The following ATP10B variants were observed in gnomAD, a reference collection of about 807,000 sequenced individuals.
ATP10B encodes ATPase phospholipid transporting 10B (putative).
In ATP10B, 122 loss-of-function variants were observed where a neutral mutation model predicts 141.2. That is an observed-to-expected ratio of 0.86 (90% CI 0.75 to 1.00). ATP10B has a LOEUF of 1.00. Among genes scored for constraint, ATP10B ranks in the 50% least tolerant of loss-of-function variants. The pLI, the probability that ATP10B is intolerant of heterozygous loss-of-function variation, is 0.00. For missense variants in ATP10B, 1,876 were observed against 1,825.3 expected, an observed-to-expected ratio of 1.03 and a Z score of -0.51; for synonymous variants, 685 against 692.0, an observed-to-expected ratio of 0.99 and a Z score of 0.16.
chr5:160,607,098 C>T lies in ATP10B; in HGVS notation c.2839-12G>A. The T allele has an allele frequency of 6.3e-7, 1 of 1,598,248 alleles. No individual in the cohort carries two copies. The highest frequency in any genetic ancestry group is 8.5e-7 in the Non-Finnish European group (1 of 1,169,770). ...GATTCACAGGTCTCCTATAAAGAAG[C>T]ATAATAATACAGTATTTGTAAGCAA... On this transcript the variant is annotated splice_polypyrimidine_tract_variant and intron_variant, in intron 18 of 25. Coordinates refer to ENST00000327245, the MANE Select transcript of ATP10B (RefSeq NM_025153.3).
At chr5:160,887,027 T>C in the ATP10B span, among the ~76,000 whole-genome samples, 1 of 152,224 alleles carries the variant, frequency 6.6e-6, no homozygotes, top group Non-Finnish European at 1.5e-5. Flanking sequence ...TGTCAGCTGA[T>C]AACTATAGAA....
chr5:160,895,288 C>T, the ATP10B span, among the ~76,000 whole-genome samples: 1 of 151,990 alleles, frequency 6.6e-6, no homozygotes, highest in Admixed American at 6.6e-5. Context: ...GAACCATCAG[C>T]GTGCTGTATT....
intron 3 of ATP10B, among the ~76,000 whole-genome samples, chr5:160,694,789 G>C (rs186826807): frequency 6.6e-6 from 1 of 152,118 alleles, no homozygotes; most frequent in Admixed American, 6.5e-5. Flanking sequence ...ATCCCTTTCT[G>C]CCTGAGCTTA....
intron 6 of ATP10B, among the ~76,000 whole-genome samples, chr5:160,672,570 A>G (rs1187141691): frequency 1.1e-4 from 17 of 152,142 alleles, no homozygotes; most frequent in Admixed American, 1.1e-3. Flanking sequence ...GGGATTTGAA[A>G]CCAAACTAAT....
At chr5:160,822,250 G>T (rs1774164794) in intron 1 of ATP10B, among the ~76,000 whole-genome samples, 1 of 151,992 alleles carries the variant, frequency 6.6e-6, no homozygotes, top group Non-Finnish European at 1.5e-5. Context: ...TGGCAAACAG[G>T]TATATGAAAA....
Position 160,688,061 on chromosome 5 carries a change from A to C in ATP10B, c.14T>G (p.Val5Gly). The change falls in exon 5 of 26, where the codon GTG (valine) becomes GGG (glycine). Residue 5 changes from valine (V) to glycine (G), a missense_variant. Val to Gly is a moderately radical substitution (Grantham distance 109). Coordinates refer to ENST00000327245, the MANE Select transcript of ATP10B (RefSeq NM_025153.3). MALS[V>G]DSSWHRWQWR... is the part of the protein sequence containing the mutation. Reference sequence around the variant, plus strand: ...CTGCCACCGATGCCACGATGAGTCCACTGAGAGGGCCATTTCCAGCAGCAG... The same window carrying C: ...CTGCCACCGATGCCACGATGAGTCCCCTGAGAGGGCCATTTCCAGCAGCAG... 6.2e-7 allele frequency: 1 copy of C among 1,612,768 alleles called. No individual in the cohort carries two copies. Among genetic ancestry groups the C allele is most frequent in the African/African-American group, 1.3e-5 (1 of 74,994 alleles).
At chr5:160,809,033 C>T (rs565351730) in intron 1 of ATP10B, among the ~76,000 whole-genome samples, 20 of 152,250 alleles carry the variant, frequency 1.3e-4, no homozygotes, top group African/African-American at 2.6e-4. Context: ...TGGTGTTCTA[C>T]GTGTGTTCCT....
chr5:160,916,083 C>G, the ATP10B span, among the ~76,000 whole-genome samples: 1 of 152,142 alleles, frequency 6.6e-6, no homozygotes, highest in Non-Finnish European at 1.5e-5. Context: ...GAGGTAGGAA[C>G]TTTATAACAA....
At chr5:160,746,297 A>G (rs967706486) in intron 2 of ATP10B, among the ~76,000 whole-genome samples, 7 of 152,156 alleles carry the variant, frequency 4.6e-5, no homozygotes, top group Non-Finnish European at 7.3e-5. Context: ...AGAATTATTC[A>G]GCGTTAGGCT....
rs776191749 is a variant in ATP10B at position 160,598,779 on chromosome 5, C to T, written c.3555G>A (p.Gln1185=). The change falls in exon 22 of 26, where the codon CAG becomes CAA. Residue 1185 remains glutamine (Q), a synonymous_variant. Transcript: ENST00000327245. ...LALPELYKSG[Q]NSECYNLSTF... ...TGCCCGATCTCCTTACCTCAGAGTT[C>T]TGGCCACTCTTGTATAGCTCAGGCA... 1.2e-6 allele frequency: 2 copies of T among 1,613,938 alleles called. No individual in the cohort carries two copies. Among genetic ancestry groups the T allele is most frequent in the Non-Finnish European group, 1.7e-6 (2 of 1,179,960 alleles).
chr5:160,719,375 G>A (rs1327042326), intron 2 of ATP10B, among the ~76,000 whole-genome samples: 1 of 152,204 alleles, frequency 6.6e-6, no homozygotes, highest in Non-Finnish European at 1.5e-5. Flanking sequence ...ACTCTGGCCT[G>A]GGCAACAGAG....
chr5:160,806,461 C>T (rs1772777305), intron 1 of ATP10B, among the ~76,000 whole-genome samples: 1 of 152,146 alleles, frequency 6.6e-6, no homozygotes, highest in South Asian at 2.1e-4. Flanking sequence ...TAAGGTTATC[C>T]CCCAGAACCT....
intron 5 of ATP10B, among the ~76,000 whole-genome samples, chr5:160,686,573 C>T (rs1312953776): frequency 2.0e-5 from 3 of 152,154 alleles, no homozygotes; most frequent in Admixed American, 6.5e-5. Context: ...TCTTTTATTC[C>T]TCTCCCCTTC....
At chr5:160,798,395 C>T (rs2127924944) in intron 1 of ATP10B, among the ~76,000 whole-genome samples, 1 of 152,240 alleles carries the variant, frequency 6.6e-6, no homozygotes, top group Admixed American at 6.5e-5. Flanking sequence ...GGGCCCTAAC[C>T]CAATGACTTG....
intron 2 of ATP10B, among the ~76,000 whole-genome samples, chr5:160,755,929 T>C (rs1272887724): frequency 1.4e-5 from 2 of 145,048 alleles, no homozygotes; most frequent in South Asian, 2.2e-4. Context: ...TGTACCAAAA[T>C]GTCATTAGGA....
At chr5:160,886,802 C>T in the ATP10B span, among the ~76,000 whole-genome samples, 13 of 152,088 alleles carry the variant, frequency 8.5e-5, no homozygotes, top group South Asian at 2.1e-4. Flanking sequence ...GCAACAAGAA[C>T]GAACCATATA....
chr5:160,653,655 A>AT (rs1761163722), intron 7 of ATP10B, among the ~76,000 whole-genome samples: 5 of 78,788 alleles, frequency 6.3e-5, no homozygotes, highest in Non-Finnish European at 9.2e-5. Flanking sequence ...TATTATATAT[A>AT]CATATATACA....
the ATP10B span, among the ~76,000 whole-genome samples, chr5:160,925,853 C>G: frequency 6.6e-6 from 1 of 151,332 alleles, no homozygotes; most frequent in Non-Finnish European, 1.5e-5. Context: ...TCTTGGTAAA[C>G]AAGACAAGTG....
At chr5:160,761,829 T>TAA (rs36014326) in intron 2 of ATP10B, among the ~76,000 whole-genome samples, 3 of 151,516 alleles carry the variant, frequency 2.0e-5, no homozygotes, top group Non-Finnish European at 4.4e-5. Flanking sequence ...TTAAAAAATT[T>TAA]AAAAAAATGT....
Sources: allele counts gnomAD v4.1 joint callset (sites outside exome capture counted in the v4.1 genomes callset), GRCh38; gene constraint gnomAD v4.1.1; transcripts MANE v1.5; gene names NCBI Gene and HGNC (gene_info 2026-07-23, HGNC 2026-07-21).